Variants in PRKCH observed in about 807,000 individuals in gnomAD.
The protein encoded by PRKCH is protein kinase C eta type.
Under a neutral mutation model 82.5 loss-of-function variants are expected in PRKCH, and 28 were observed. The observed-to-expected ratio is 0.34, with a 90% CI of 0.25 to 0.47. PRKCH has a LOEUF of 0.47. PRKCH is among the 20% of genes least tolerant of loss of function. PRKCH has a pLI of 1.00. For missense variants in PRKCH, 705 were observed against 881.8 expected (o/e 0.80, Z 2.54); for synonymous variants, 322 against 327.4 (o/e 0.98, Z 0.18).
chr14:61,503,297 T>G lies in PRKCH; in HGVS notation c.1433+17641T>G, dbSNP rs868737958. Among the ~76,000 whole-genome samples the G allele has an allele frequency of 4.6e-5, 7 of 151,426 alleles. No individual in the cohort carries two copies. In the South Asian group the frequency reaches 8.3e-4, roughly 18 times the overall value. ...TGATTTGTATGTGTGTTAGTGGTTT[T>G]TTTTTTTTTTTTCCTGTAAGAATCT... On this transcript the variant is annotated intron_variant, in intron 10 of 13. Transcript: ENST00000332981.
chr14:61,440,893 A>G (rs1476307618), intron 2 of PRKCH, among the ~76,000 whole-genome samples: 1 of 150,884 alleles, frequency 6.6e-6, no homozygotes, highest in East Asian at 2.0e-4. Flanking sequence ...TAAAAAATAA[A>G]AAATTATTAT....
rs377250538 is a variant in PRKCH, at chr14:61,428,076, T to TAGATACACAC, written c.428-15034_428-15033insGATACACACA. On this transcript the variant is annotated intron_variant, in intron 2 of 13. Transcript: ENST00000332981. ...ATAGATAGATAGATAGATAGATAGA[T>TAGATACACAC]ACACACACACACACACACACATATA... Among the ~76,000 whole-genome samples, 252 of 126,252 alleles carry TAGATACACAC rather than the reference T, an allele frequency of 2.0e-3. 1 individual carries two copies. The highest frequency in any genetic ancestry group is 7.0e-3 in the African/African-American group (230 of 32,754). The allele number at this position is 126,252 out of a possible 152,430, so 82.8% of individuals were successfully genotyped here.
intron 2 of PRKCH, among the ~76,000 whole-genome samples, chr14:61,405,261 A>G (rs1422697675): frequency 1.3e-5 from 2 of 152,232 alleles, no homozygotes; most frequent in African/African-American, 4.8e-5. Context: ...ATGCACTCCT[A>G]AATATAATTA....
At chr14:61,448,622 T>C (rs1341755395) in intron 4 of PRKCH, among the ~76,000 whole-genome samples, 2 of 152,170 alleles carry the variant, frequency 1.3e-5, no homozygotes, top group Admixed American at 1.3e-4. Flanking sequence ...TTTTCTGAGT[T>C]ACATCTTGTC....
At chr14:61,200,094 A>G (rs2044468759) in intron 1 of PRKCH, among the ~76,000 whole-genome samples, 1 of 152,234 alleles carries the variant, frequency 6.6e-6, no homozygotes, top group South Asian at 2.1e-4. Context: ...TGAATCCCTA[A>G]GGATGAGTAA....
intron 1 of PRKCH, among the ~76,000 whole-genome samples, chr14:61,273,458 G>C (rs1424316273): frequency 6.6e-6 from 1 of 151,982 alleles, no homozygotes; most frequent in African/African-American, 2.4e-5. Flanking sequence ...TTTTATTATA[G>C]AATATTACAG....
At chr14:61,444,583 G>A (rs1050364037) in intron 3 of PRKCH, among the ~76,000 whole-genome samples, 2 of 151,236 alleles carry the variant, frequency 1.3e-5, no homozygotes, top group African/African-American at 2.4e-5. Flanking sequence ...AGCCTTTAAC[G>A]CTCCCCCCCT....
At chr14:61,251,504 C>T (rs1447158903) in intron 1 of PRKCH, among the ~76,000 whole-genome samples, 1 of 152,166 alleles carries the variant, frequency 6.6e-6, no homozygotes, top group Non-Finnish European at 1.5e-5. Context: ...ACCTACTGTT[C>T]CATTCATGTT....
chr14:61,449,958 A>G (rs1010446122), intron 5 of PRKCH, among the ~76,000 whole-genome samples: 1 of 151,814 alleles, frequency 6.6e-6, no homozygotes, highest in Non-Finnish European at 1.5e-5. Flanking sequence ...CTTGCCACTC[A>G]TATTGCATTC....
chr14:61,277,677 CA>C (rs2140089815), intron 1 of PRKCH: 1 of 152,022 alleles, frequency 6.6e-6, no homozygotes, highest in Admixed American at 6.6e-5. Context: ...AAGACTACTA[CA>C]AAAATTTTTA....
chr14:61,504,648 T>TTCCTTTGATGGAGTATTC (rs1887060224), intron 10 of PRKCH, among the ~76,000 whole-genome samples: 1 of 152,238 alleles, frequency 6.6e-6, no homozygotes, highest in Middle Eastern at 3.2e-3. Context: ...CTCCAGCATT[T>TTCCTTTGATGGAGTATTC]TCCTTTGATG....
At chr14:61,267,393 C>T (rs1276111707) in intron 1 of PRKCH, among the ~76,000 whole-genome samples, 1 of 152,168 alleles carries the variant, frequency 6.6e-6, no homozygotes. Context: ...TATTCTCACT[C>T]TTCTGACACT....
intron 10 of PRKCH, among the ~76,000 whole-genome samples, chr14:61,511,963 T>C (rs910840731): frequency 1.3e-5 from 2 of 152,204 alleles, no homozygotes; most frequent in Admixed American, 6.5e-5. Flanking sequence ...GTTTATTACC[T>C]AGATCAGACA....
At chr14:61,283,480 T>C (rs1010850660) in intron 1 of PRKCH, among the ~76,000 whole-genome samples, 9 of 152,148 alleles carry the variant, frequency 5.9e-5, no homozygotes, top group African/African-American at 2.2e-4. Flanking sequence ...GAGGTTACCA[T>C]CAGGTGCAGG....
intron 5 of PRKCH, among the ~76,000 whole-genome samples, chr14:61,450,164 G>A (rs1160877021): frequency 6.6e-6 from 1 of 152,156 alleles, no homozygotes; most frequent in Non-Finnish European, 1.5e-5. Flanking sequence ...GGCCATAAAA[G>A]TTTCAAGAGG....
intron 2 of PRKCH, among the ~76,000 whole-genome samples, chr14:61,415,443 C>G (rs1882501908): frequency 6.6e-6 from 1 of 152,210 alleles, no homozygotes; most frequent in African/African-American, 2.4e-5. Context: ...GTTTCACCCA[C>G]ACTTCCATTT....
At chr14:61,341,283 A>C (rs969024805) in intron 1 of PRKCH, among the ~76,000 whole-genome samples, 1 of 152,182 alleles carries the variant, frequency 6.6e-6, no homozygotes, top group Non-Finnish European at 1.5e-5. Flanking sequence ...GCTCATGTCT[A>C]ATTCACCTTA....
At chr14:61,406,516 C>T (rs1338703988) in intron 2 of PRKCH, among the ~76,000 whole-genome samples, 1 of 152,138 alleles carries the variant, frequency 6.6e-6, no homozygotes, top group Non-Finnish European at 1.5e-5. Context: ...TAACTGAGAC[C>T]AGGAAAAGAC....
chr14:61,417,982 G>A (rs1284134377), intron 2 of PRKCH, among the ~76,000 whole-genome samples: 2 of 152,222 alleles, frequency 1.3e-5, no homozygotes, highest in African/African-American at 4.8e-5. Context: ...TGAAAAGGGA[G>A]AGTGTGTCTT....
Sources: gnomAD v4.1 joint callset for allele counts (sites outside exome capture counted in the v4.1 genomes callset) on GRCh38, gnomAD v4.1.1 for gene constraint, MANE v1.5 for transcripts, NCBI Gene and HGNC (gene_info 2026-07-23, HGNC 2026-07-21) for gene names.